Variants in KRT27 observed in about 807,000 individuals in gnomAD.
KRT27 encodes keratin 27, also known as keratin, type I cytoskeletal 27.
KRT27 carries 30 observed loss-of-function variants against 45.3 expected under a neutral mutation model. That is an observed-to-expected ratio of 0.66 (90% confidence interval 0.50 to 0.90). The LOEUF (loss-of-function observed/expected upper bound fraction) is 0.90. Among genes scored for constraint, KRT27 ranks in the 40% least tolerant of loss-of-function variants. The pLI, the probability that KRT27 is intolerant of heterozygous loss-of-function variation, is 0.00. For synonymous variants in KRT27, 204 were observed against 223.9 expected (o/e 0.91, Z 0.79); for missense variants, 610 against 564.3 (o/e 1.08, Z -0.82).
rs976319266 is a variant in KRT27 at position 40,780,005 on chromosome 17, G to A, written c.685-144C>T. The A allele has an allele frequency of 3.9e-6, 4 of 1,030,920 alleles. No homozygotes were observed. In the Admixed American group the frequency reaches 8.7e-5, roughly 22 times the overall value. The allele number at this position is 1,030,920 out of a possible 1,614,324, so 63.9% of individuals were successfully genotyped here. A position where few individuals can be genotyped will look rare whatever the true frequency, so the allele number is the denominator to read the frequency against. The stretch of plus-strand genomic sequence containing the variant: ...CAGCCTCGAAATCCTGGCCTCAAGC[G>A]ATCCTCCATTCTGGGTCTCCTACAG... On this transcript the variant is annotated intron_variant, in intron 3 of 7. Transcript: ENST00000301656.
chr17:40,780,268 G>T (rs761502773), intron 3 of KRT27, 32 bp downstream of exon 3: 5 of 1,562,444 alleles, frequency 3.2e-6, no homozygotes, highest in Non-Finnish European at 4.3e-6. Flanking sequence ...GTAGGGAGGC[G>T]ATTGTGAGAG....
rs1486570545 is a variant in KRT27 at position 40,777,564 on chromosome 17, G to A, written c.1141C>T (p.Leu381=). Residue 381 remains leucine, a synonymous_variant, in exon 6 of 8, where the codon CTG becomes TTG. Coordinates refer to ENST00000301656, the MANE Select transcript of KRT27 (RefSeq NM_181537.4). ...CAGTAGGTCTCAATTTCTTTTTCCA[G>A]GTGGACCTTGATGTCAAGGAGCTGC... is the stretch of plus-strand genomic sequence containing the variant. ...YEQLLDIKVH[L]EKEIETYCLL... 3 of 1,613,810 alleles carry A rather than the reference G, an allele frequency of 1.9e-6. No individual in the cohort carries two copies. Among genetic ancestry groups the A allele is most frequent in the Non-Finnish European group, 2.5e-6 (3 of 1,179,876 alleles).
chr17:40,780,485 T>C, intron 2 of KRT27, 29 bp from the exon 3 acceptor site: 1 of 1,600,230 alleles, frequency 6.2e-7, no homozygotes, highest in Non-Finnish European at 8.5e-7. Flanking sequence ...AGTTTCATCA[T>C]TAGTCATTAG....
At chr17:40,778,821 T>C (rs1220686997) in intron 5 of KRT27, among the ~76,000 whole-genome samples, 1 of 150,004 alleles carries the variant, frequency 6.7e-6, no homozygotes, top group African/African-American at 2.4e-5. Flanking sequence ...TTGCTCTCTT[T>C]AAGCAGTAGG....
intron 5 of KRT27, among the ~76,000 whole-genome samples, chr17:40,778,834 T>A: frequency 7.7e-6 from 1 of 129,198 alleles, no homozygotes; most frequent in South Asian, 2.5e-4. Context: ...GCAGTAGGAT[T>A]TTTTTTCTTT....
chr17:40,779,745 G>T lies in KRT27; in HGVS notation c.801C>A (p.Leu267=). ...LNNMRAEYEA[L]AEQNRRDAEA... ...CCGCGTCCCTGCGGTTCTGCTCTGC[G>T]AGGGCTTCGTACTCAGCTCGCATAT... Residue 267 remains leucine, a synonymous_variant, in exon 4 of 8, where the codon CTC becomes CTA. Coordinates refer to ENST00000301656, the MANE Select transcript of KRT27 (RefSeq NM_181537.4). 1.2e-6 allele frequency: 2 copies of T among 1,614,218 alleles called. No individual in the cohort carries two copies. Among genetic ancestry groups the T allele is most frequent in the Non-Finnish European group, 1.7e-6 (2 of 1,180,040 alleles).
At position 40,781,190 on chromosome 17, in the gene KRT27, T is replaced by C. The variant is rs1272120494; in HGVS notation, c.525A>G (p.Leu175=). 2.5e-6 allele frequency: 4 copies of C among 1,599,494 alleles called. No homozygotes were observed. The South Asian group carries it at 4.5e-5, about 18-fold the overall frequency. Residue 175 remains leucine, a splice_region_variant and synonymous_variant, in exon 2 of 8, where the codon CTA becomes CTG. Coordinates refer to ENST00000301656, the MANE Select transcript of KRT27 (RefSeq NM_181537.4). ...NARLTADDFR[L]KFENELALHQ... ...CATTTATCTTCAGCTCTACTTACTT[T>C]AGTCTGAAGTCATCAGCTGTTAGTC... is the stretch of plus-strand genomic sequence containing the variant.
Position 40,780,306 on chromosome 17 carries a change from A to C in KRT27, c.678T>G (p.His226Gln). The change falls in exon 3 of 8, where the codon CAT (histidine) becomes CAG (glutamine). Residue 226 changes from histidine (H) to glutamine (Q), a missense_variant. His to Gln is a conservative substitution (Grantham distance 24, BLOSUM62 0). Coordinates refer to ENST00000301656, the MANE Select transcript of KRT27 (RefSeq NM_181537.4). ...SEELAYLKKN[H>Q]EEEMKALQCA... ...AGCCGGGTGGAGCTTCTACCTCCTC[A>C]TGATTCTTCTTGAGGTAAGCGAGCT... is the stretch of plus-strand genomic sequence containing the variant. 6.2e-7 allele frequency: 1 copy of C among 1,608,644 alleles called. No individual in the cohort carries two copies. Among genetic ancestry groups the C allele is most frequent in the Non-Finnish European group, 8.5e-7 (1 of 1,177,754 alleles).
rs770910798 is a variant in KRT27, at chr17:40,780,447, G to A, written c.537C>T (p.Asn179=). ...CCACGCTCTGGTGAAGCGCTAGCTCGTTTTCAAACCTTAGAAAAGTATTTG... is the reference window on the plus strand; with the variant it reads ...CCACGCTCTGGTGAAGCGCTAGCTCATTTTCAAACCTTAGAAAAGTATTTG... ...TADDFRLKFE[N]ELALHQSVEA... is the part of the protein sequence containing the mutation. The change falls in exon 3 of 8, where the codon AAC becomes AAT. Residue 179 remains asparagine, a synonymous_variant. Transcript: ENST00000301656. 12 of 1,612,932 alleles carry A rather than the reference G, an allele frequency of 7.4e-6. No individual in the cohort carries two copies. Among genetic ancestry groups the A allele is most frequent in the East Asian group, 2.2e-5 (1 of 44,868 alleles).
rs893317430 is a variant in KRT27, at chr17:40,777,120, A to G, written c.1259T>C (p.Ile420Thr). The part of the protein sequence containing the change: ...NQTKDSSKTT[I>T]VKTVVEEIDP... The stretch of plus-strand genomic sequence containing the variant: ...TATCTCTTCAACAACTGTTTTGACA[A>G]TGGTGGTTTTAGATGAATCTAAAAT... Residue 420 changes from isoleucine to threonine, a missense_variant, in exon 8 of 8, where the codon ATT becomes ACT. Ile to Thr is a moderately conservative substitution (Grantham distance 89). Transcript: ENST00000301656. 2 of 1,613,776 alleles carry G rather than the reference A, an allele frequency of 1.2e-6. No individual in the cohort carries two copies. Among genetic ancestry groups the G allele is most frequent in the African/African-American group, 2.7e-5 (2 of 74,948 alleles).
intron 6 of KRT27, 59 bp from the exon 7 acceptor site, chr17:40,777,361 T>A: frequency 4.5e-6 from 7 of 1,570,648 alleles, no homozygotes; most frequent in Non-Finnish European, 6.1e-6. Flanking sequence ...AACTGAAAAA[T>A]AATGATTTAA....
At position 40,776,934 on chromosome 17, in the gene KRT27, A is replaced by C. The variant is rs982669270; in HGVS notation, c.*65T>G. ...AAAGCAGAAAAATAAGGGGACCCTT[A>C]TTTAGGAAACTAGCTTCATTTTGGT... On this transcript the variant is annotated 3_prime_UTR_variant, in exon 8 of 8. Coordinates refer to ENST00000301656, the MANE Select transcript of KRT27 (RefSeq NM_181537.4). 6 of 1,464,902 alleles carry C rather than the reference A, an allele frequency of 4.1e-6. No individual in the cohort carries two copies. Among genetic ancestry groups the C allele is most frequent in the Non-Finnish European group, 5.6e-6 (6 of 1,073,652 alleles). 90.7% of individuals were successfully genotyped at this position (1,464,902 alleles called of 1,614,324 possible).
At position 40,782,171 on chromosome 17, in the gene KRT27, G is replaced by A; in HGVS notation, c.323C>T (p.Ala108Val). Residue 108 changes from alanine (A) to valine (V), a missense_variant, in exon 1 of 8, where the codon GCC becomes GTC. Ala to Val is a moderately conservative substitution (Grantham distance 64). Transcript: ENST00000301656. ...GATCTTCTGCTCCAAGTCAGCGTTG[G>A]CCTCCTCTAGGGCTCGAACATTCTC... ...YLENVRALEEANADLEQKIKG... is the reference protein window; with the variant it reads ...YLENVRALEEVNADLEQKIKG... 1 of 1,614,158 alleles carries A rather than the reference G, an allele frequency of 6.2e-7. No individual in the cohort carries two copies. The highest frequency in any genetic ancestry group is 8.5e-7 in the Non-Finnish European group (1 of 1,180,028).
In KRT27 at chr17:40,781,296, T is replaced by C. The variant is rs749110453; in HGVS notation, c.445-26A>G. The C allele has an allele frequency of 1.2e-5, 17 of 1,385,614 alleles. No homozygotes were observed. The South Asian group carries it at 1.5e-4, about 12-fold the overall frequency. 85.8% of individuals were successfully genotyped at this position (1,385,614 alleles called of 1,614,324 possible). A position where few individuals can be genotyped will look rare whatever the true frequency, so the allele number is the denominator to read the frequency against. ...CTGACAAATGAAAAGTTAGTTAAGA[T>C]TGAGGAAATATTTAAGATGCATTTC... On this transcript the variant is annotated intron_variant, in intron 1 of 7. Transcript: ENST00000301656.
Position 40,782,050 on chromosome 17 carries a change from C to A in KRT27, c.444G>T (p.Gln148His), listed in dbSNP as rs534876364. 3.1e-6 allele frequency: 5 copies of A among 1,607,898 alleles called. No individual in the cohort carries two copies. Among genetic ancestry groups the A allele is most frequent in the Non-Finnish European group, 4.2e-6 (5 of 1,179,450 alleles). Residue 148 changes from glutamine to histidine, a missense_variant and splice_region_variant, in exon 1 of 8, where the codon CAG becomes CAT. Physicochemically the swap from Gln to His is conservative, Grantham distance 24 (BLOSUM62 0). Transcript: ENST00000301656. ...YFPIIDELKN[Q>H]IISATTSNAH... The stretch of plus-strand genomic sequence containing the variant: ...ACACTCACGCCATGGCGTTTCTTAC[C>A]TGGTTCTTAAGTTCGTCAATAATTG...
At chr17:40,781,295 ATT>A in intron 1 of KRT27, 25 bp from the exon 2 acceptor site, 1 of 1,381,976 alleles carries the variant, frequency 7.2e-7, no homozygotes, top group Non-Finnish European at 1.0e-6. Flanking sequence ...GTTAGTTAAG[ATT>A]GAGGAAATAT....
Position 40,779,838 on chromosome 17 carries a change from C to G in KRT27, c.708G>C (p.Ala236=). ...TCTCCACGTTCACGTTGCCTCCAGC[C>G]GCGCACTGAAGAGCTTTCATTTCCT... is the stretch of plus-strand genomic sequence containing the variant. ...HEEEMKALQC[A]AGGNVNVEMN... The change falls in exon 4 of 8, where the codon GCG becomes GCC. Residue 236 remains alanine (A), a synonymous_variant. Transcript: ENST00000301656. 1.2e-6 allele frequency: 2 copies of G among 1,611,422 alleles called. No individual in the cohort carries two copies. The highest frequency in any genetic ancestry group is 1.7e-6 in the Non-Finnish European group (2 of 1,179,368).
intron 5 of KRT27, among the ~76,000 whole-genome samples, chr17:40,778,432 C>A (rs2038282575): frequency 6.6e-6 from 1 of 152,134 alleles, no homozygotes; most frequent in Non-Finnish European, 1.5e-5. Context: ...GTTTACTAGC[C>A]ATAGTGGGAA....
chr17:40,777,176 AT>A (rs1334772991), intron 7 of KRT27, 38 bp from the exon 8 acceptor site: 5 of 1,609,344 alleles, frequency 3.1e-6, no homozygotes, highest in Non-Finnish European at 4.2e-6. Flanking sequence ...AATTTATCAA[AT>A]TCATAAATAG....
Sources: gnomAD v4.1 joint callset for allele counts (sites outside exome capture counted in the v4.1 genomes callset) on GRCh38, gnomAD v4.1.1 for gene constraint, MANE v1.5 for transcripts, NCBI Gene and HGNC (gene_info 2026-07-23, HGNC 2026-07-21) for gene names.